Variants in ILRUN observed in about 807,000 individuals in gnomAD.
The protein encoded by ILRUN is inflammation and lipid regulator with UBA-like and NBR1-like domains.
ILRUN carries 3 observed loss-of-function variants against 33.8 expected under a neutral mutation model. The ratio of observed to expected loss-of-function variants is 0.09; its 90% confidence interval spans 0.04 to 0.23. The LOEUF is 0.23. Among genes scored for constraint, ILRUN ranks in the 10% least tolerant of loss-of-function variants. The pLI is 1.00. For synonymous variants in ILRUN, 124 were observed against 138.9 expected, an observed-to-expected ratio of 0.89 and a Z score of 0.75; for missense variants, 210 against 375.1, an observed-to-expected ratio of 0.56 and a Z score of 3.64.
chr6:34,680,908 G>A (rs1020180128), intron 1 of ILRUN, among the ~76,000 whole-genome samples: 1 of 151,746 alleles, frequency 6.6e-6, no homozygotes, highest in Non-Finnish European at 1.5e-5. Flanking sequence ...CAACTTGAAG[G>A]ACAAGTGCTG....
chr6:34,631,904 T>A lies in ILRUN; in HGVS notation c.511+14697A>T, dbSNP rs547083088. Among the ~76,000 whole-genome samples the A allele has an allele frequency of 1.9e-3, 291 of 151,656 alleles. 1 individual carries two copies. Among genetic ancestry groups the A allele is most frequent in the African/African-American group, 6.7e-3 (276 of 41,378 alleles). On this transcript the variant is annotated intron_variant, in intron 3 of 4. Transcript: ENST00000374023. The stretch of plus-strand genomic sequence containing the variant: ...TTTATTATGTGGATTTTACCTCAAT[T>A]AAAAAAAAATCCATAATAGTTTATA...
intron 4 of ILRUN, among the ~76,000 whole-genome samples, chr6:34,594,800 C>T (rs1761367355): frequency 6.6e-6 from 1 of 152,166 alleles, no homozygotes; most frequent in African/African-American, 2.4e-5. Context: ...AGTAGTTGGG[C>T]CAAGTCCTGA....
chr6:34,683,482 A>G lies in ILRUN; in HGVS notation c.158+12964T>C, dbSNP rs1178949889. 3.6e-4 allele frequency among the ~76,000 whole-genome samples: 37 copies of G among 101,586 alleles called. 1 individual carries two copies. Among genetic ancestry groups the G allele is most frequent in the African/African-American group, 1.6e-3 (31 of 18,984 alleles). The allele number at this position is 101,586 out of a possible 152,430, so 66.6% of individuals were successfully genotyped here. ...TATATACATATATATACACATATAT[A>G]TATACATATATATATACATATATAT... On this transcript the variant is annotated intron_variant, in intron 1 of 4. Coordinates refer to ENST00000374023, the MANE Select transcript of ILRUN (RefSeq NM_024294.4).
intron 3 of ILRUN, among the ~76,000 whole-genome samples, chr6:34,631,488 C>T (rs1193787036): frequency 2.0e-5 from 3 of 152,174 alleles, no homozygotes; most frequent in East Asian, 1.9e-4. Context: ...CCACCACGCC[C>T]GGCTAATTTT....
Position 34,655,174 on chromosome 6 carries a change from G to A in ILRUN, c.159-395C>T, listed in dbSNP as rs567312309. ...ATATTAAAAAAAAGAGAGAGAGACA[G>A]CCATGTTGCCCAGGCTAGTCTTGAA... On this transcript the variant is annotated intron_variant, in intron 1 of 4. Coordinates refer to ENST00000374023, the MANE Select transcript of ILRUN (RefSeq NM_024294.4). Among the ~76,000 whole-genome samples, 9 of 152,174 alleles carry A rather than the reference G, an allele frequency of 5.9e-5. No homozygotes were observed. The East Asian group carries it at 1.7e-3, about 29-fold the overall frequency.
chr6:34,686,833 G>C (rs1443603511), intron 1 of ILRUN: 1 of 55,500 alleles, frequency 1.8e-5, no homozygotes, highest in Non-Finnish European at 3.2e-5. Flanking sequence ...GCGGGCGCCT[G>C]TAGTCCCAGC....
rs142185979 is a variant in ILRUN at position 34,651,700 on chromosome 6, T to G, written c.313+2925A>C. On this transcript the variant is annotated intron_variant, in intron 2 of 4. Coordinates refer to ENST00000374023, the MANE Select transcript of ILRUN (RefSeq NM_024294.4). The stretch of plus-strand genomic sequence containing the variant: ...TTAAAATAAACAAATAAAACTTGAA[T>G]TCAAGTCACACTTTCCAAACAAACC... Among the ~76,000 whole-genome samples the G allele has an allele frequency of 2.4e-3, 354 of 148,322 alleles. 1 individual carries two copies. The highest frequency in any genetic ancestry group is 8.4e-3 in the African/African-American group (338 of 40,174).
chr6:34,683,475 CATATATATATACAT>C (rs1264835303), intron 1 of ILRUN, among the ~76,000 whole-genome samples: 2 of 79,894 alleles, frequency 2.5e-5, no homozygotes, highest in Non-Finnish European at 4.6e-5. Context: ...TATATATACA[CATATATATATACAT>C]ATATATATAC....
chr6:34,656,017 G>T (rs968345732), intron 1 of ILRUN, among the ~76,000 whole-genome samples: 1 of 151,978 alleles, frequency 6.6e-6, no homozygotes, highest in South Asian at 2.1e-4. Flanking sequence ...GGCAGATCAC[G>T]GGGTCAGGAG....
At chr6:34,637,195 T>TAA (rs936102675) in intron 3 of ILRUN, among the ~76,000 whole-genome samples, 21 of 152,214 alleles carry the variant, frequency 1.4e-4, no homozygotes, top group Non-Finnish European at 2.6e-4. Flanking sequence ...CCTAAATAAG[T>TAA]AAAACACTTT....
intron 1 of ILRUN, among the ~76,000 whole-genome samples, chr6:34,695,368 A>G (rs1372953078): frequency 6.6e-6 from 1 of 152,228 alleles, no homozygotes; most frequent in Non-Finnish European, 1.5e-5. Context: ...CCTTTCAAAG[A>G]AAGTCTAATC....
chr6:34,667,903 T>C (rs889173194), intron 1 of ILRUN, among the ~76,000 whole-genome samples: 15 of 152,102 alleles, frequency 9.9e-5, no homozygotes, highest in African/African-American at 3.6e-4. Flanking sequence ...GAGAAGATCC[T>C]GCATTAAAAA....
chr6:34,693,714 T>A (rs1763697239), intron 1 of ILRUN, among the ~76,000 whole-genome samples: 1 of 151,348 alleles, frequency 6.6e-6, no homozygotes, highest in South Asian at 2.1e-4. Flanking sequence ...TTGCCCAGGC[T>A]GGAGTGCAGT....
intron 4 of ILRUN, among the ~76,000 whole-genome samples, chr6:34,604,308 G>A (rs962728143): frequency 3.3e-5 from 5 of 152,272 alleles, no homozygotes; most frequent in South Asian, 2.1e-4. Context: ...ATTCCCAACC[G>A]TCTGTGATGA....
chr6:34,653,516 G>C (rs1165685346), intron 2 of ILRUN, among the ~76,000 whole-genome samples: 1 of 152,138 alleles, frequency 6.6e-6, no homozygotes, highest in African/African-American at 2.4e-5. Flanking sequence ...GAGCCACCAT[G>C]CTCAGCCTAT....
At chr6:34,651,041 G>A (rs1479374058) in intron 2 of ILRUN, among the ~76,000 whole-genome samples, 2 of 152,148 alleles carry the variant, frequency 1.3e-5, no homozygotes, top group African/African-American at 4.8e-5. Flanking sequence ...ACTCAGGCCA[G>A]ATTAGGATGA....
At chr6:34,674,119 C>T (rs1429201737) in intron 1 of ILRUN, among the ~76,000 whole-genome samples, 2 of 152,118 alleles carry the variant, frequency 1.3e-5, no homozygotes, top group East Asian at 3.9e-4. Context: ...CCTCCGCCTC[C>T]GGGTTCAAGC....
chr6:34,666,971 C>T (rs1049580080), intron 1 of ILRUN, among the ~76,000 whole-genome samples: 1 of 151,980 alleles, frequency 6.6e-6, no homozygotes, highest in Non-Finnish European at 1.5e-5. Flanking sequence ...CATGACACTG[C>T]GTAATTATCA....
At chr6:34,670,352 G>C (rs1170100729) in intron 1 of ILRUN, among the ~76,000 whole-genome samples, 2 of 152,166 alleles carry the variant, frequency 1.3e-5, no homozygotes, top group African/African-American at 4.8e-5. Flanking sequence ...GGTGATGGTT[G>C]CAGATGGATA....
Sources: gnomAD v4.1 joint callset for allele counts (sites outside exome capture counted in the v4.1 genomes callset) on GRCh38, gnomAD v4.1.1 for gene constraint, MANE v1.5 for transcripts, NCBI Gene and HGNC (gene_info 2026-07-23, HGNC 2026-07-21) for gene names.